The following XRN1 variants were observed in gnomAD, a reference collection of about 807,000 sequenced individuals.
The protein encoded by XRN1 is strand-exchange protein 1 homolog.
Under a neutral mutation model 222.3 loss-of-function variants are expected in XRN1, and 67 were observed. The ratio of observed to expected loss-of-function variants is 0.30; its 90% CI spans 0.25 to 0.37. The LOEUF is 0.37. Ranked by LOEUF, XRN1 falls within the 10% of genes least tolerant of loss-of-function variation. The pLI is 1.00. For missense variants in XRN1, 1,707 were observed against 2,000.2 expected (o/e 0.85, Z 2.80); for synonymous variants, 643 against 652.4 (o/e 0.99, Z 0.22).
intron 10 of XRN1, among the ~76,000 whole-genome samples, chr3:142,419,330 A>G (rs2068910683): frequency 6.6e-6 from 1 of 151,996 alleles, no homozygotes; most frequent in Non-Finnish European, 1.5e-5. Flanking sequence ...GGGGGAAAAA[A>G]AAAGACACAC....
chr3:142,446,630 A>G (rs752913015), intron 1 of XRN1, among the ~76,000 whole-genome samples: 7 of 152,254 alleles, frequency 4.6e-5, no homozygotes, highest in Non-Finnish European at 8.8e-5. Flanking sequence ...CTTTAGAGAT[A>G]AAGTGACTGA....
chr3:142,438,381 A>G (rs2070021973), intron 1 of XRN1, among the ~76,000 whole-genome samples: 1 of 152,100 alleles, frequency 6.6e-6, no homozygotes, highest in African/African-American at 2.4e-5. Flanking sequence ...CTTTGTGGTC[A>G]AGAGAGGCGG....
intron 32 of XRN1, 98 bp downstream of exon 32, chr3:142,355,303 T>A (rs1223167875): frequency 2.8e-5 from 16 of 571,692 alleles, no homozygotes; most frequent in Non-Finnish European, 4.1e-5. Context: ...TTCTATTTTA[T>A]GAGATGTCAC....
At chr3:142,436,880 G>A (rs2069936750) in intron 1 of XRN1, among the ~76,000 whole-genome samples, 1 of 152,078 alleles carries the variant, frequency 6.6e-6, no homozygotes, top group Non-Finnish European at 1.5e-5. Context: ...GGTCAACCAT[G>A]GATGATGAAA....
intron 16 of XRN1, 92 bp downstream of exon 16, chr3:142,404,814 CA>C (rs1370933107): frequency 1.6e-6 from 2 of 1,223,294 alleles, no homozygotes; most frequent in Non-Finnish European, 2.3e-6. Context: ...GCTAATTCTC[CA>C]AACAGATATT....
chr3:142,437,201 G>T (rs1474862865), intron 1 of XRN1, among the ~76,000 whole-genome samples: 1 of 152,126 alleles, frequency 6.6e-6, no homozygotes, highest in African/African-American at 2.4e-5. Flanking sequence ...GAAATTTCAA[G>T]GTTATTTTAT....
intron 1 of XRN1, among the ~76,000 whole-genome samples, chr3:142,437,254 G>A (rs1338970412): frequency 6.6e-6 from 1 of 152,134 alleles, no homozygotes; most frequent in Non-Finnish European, 1.5e-5. Flanking sequence ...AGTCACTGAG[G>A]TATTTTTCTT....
intron 32 of XRN1, among the ~76,000 whole-genome samples, chr3:142,352,599 A>G (rs376097860): frequency 6.6e-6 from 1 of 152,154 alleles, no homozygotes; most frequent in East Asian, 1.9e-4. Flanking sequence ...AGAATAAATG[A>G]GGGTCTGAAG....
chr3:142,409,102 T>C (rs778914031), intron 15 of XRN1, among the ~76,000 whole-genome samples: 1 of 152,228 alleles, frequency 6.6e-6, no homozygotes, highest in African/African-American at 2.4e-5. Context: ...GTCTCATGCA[T>C]GTGTATGTTC....
rs1247086572 is a variant in XRN1, at chr3:142,372,274, T to C, written c.2979-946A>G. Among the ~76,000 whole-genome samples, 3 of 152,042 alleles carry C rather than the reference T, an allele frequency of 2.0e-5. No individual in the cohort carries two copies. The East Asian group carries it at 5.8e-4, about 29-fold the overall frequency. ...AGGACAGGTGTTATACTGAAAACAG[T>C]GAATTAATGAAAGCATAAATACTAT... On this transcript the variant is annotated intron_variant, in intron 25 of 40. Transcript: ENST00000392981.
intron 33 of XRN1, among the ~76,000 whole-genome samples, chr3:142,343,672 G>C (rs1488835961): frequency 6.6e-6 from 1 of 152,156 alleles, no homozygotes; most frequent in East Asian, 1.9e-4. Context: ...AGAACAATTT[G>C]GAGGTTTTGT....
At chr3:142,337,524 A>C (rs2065883568) in intron 33 of XRN1, among the ~76,000 whole-genome samples, 1 of 152,192 alleles carries the variant, frequency 6.6e-6, no homozygotes, top group African/African-American at 2.4e-5. Flanking sequence ...GAACATAAAG[A>C]ATAATTTTCT....
chr3:142,359,148 C>T (rs2066548065), intron 30 of XRN1, among the ~76,000 whole-genome samples: 1 of 152,172 alleles, frequency 6.6e-6, no homozygotes, highest in African/African-American at 2.4e-5. Context: ...TAACTTTAAA[C>T]TTTCTATTGG....
intron 23 of XRN1, among the ~76,000 whole-genome samples, chr3:142,378,772 A>C (rs2067215181): frequency 6.6e-6 from 1 of 152,144 alleles, no homozygotes; most frequent in Non-Finnish European, 1.5e-5. Flanking sequence ...GCAAGCCTGA[A>C]AGAGCTGAAC....
chr3:142,357,811 C>T (rs972074534), intron 30 of XRN1, among the ~76,000 whole-genome samples: 2 of 151,976 alleles, frequency 1.3e-5, no homozygotes, highest in African/African-American at 4.8e-5. Context: ...CGAGGCAGGT[C>T]GATCACTTGA....
At chr3:142,380,703 G>A (rs1041852382) in intron 22 of XRN1, among the ~76,000 whole-genome samples, 13 of 151,986 alleles carry the variant, frequency 8.6e-5, no homozygotes, top group Non-Finnish European at 7.4e-5. Flanking sequence ...ATCTAGGCTG[G>A]AGTGTAGTGG....
rs1440554617 is a variant in XRN1, at chr3:142,357,074, C to G, written c.3510G>C (p.Val1170=). The G allele has an allele frequency of 6.2e-7, 1 of 1,613,722 alleles. No homozygotes were observed. The highest frequency in any genetic ancestry group is 8.5e-7 in the Non-Finnish European group (1 of 1,179,870). ...CAGAGCGACTCCCATGAGAAAGGTT[C>G]ACCAAGGCACTTGTTGGCAGTCGAT... ...RGYRLPTSAL[V]NLSHGSRSET... The change falls in exon 31 of 41, where the codon GTG becomes GTC. Residue 1170 remains valine (V), a synonymous_variant. Coordinates refer to ENST00000392981, the MANE Select transcript of XRN1 (RefSeq NM_001282857.2).
chr3:142,387,275 T>C (rs945377912), intron 20 of XRN1, among the ~76,000 whole-genome samples: 7 of 152,216 alleles, frequency 4.6e-5, no homozygotes, highest in South Asian at 2.1e-4. Flanking sequence ...AAAACACAAA[T>C]GTATGTGGTT....
At chr3:142,334,345 T>C (rs2065786816) in intron 34 of XRN1, among the ~76,000 whole-genome samples, 1 of 151,996 alleles carries the variant, frequency 6.6e-6, no homozygotes, top group Non-Finnish European at 1.5e-5. Flanking sequence ...TAAGACCTTT[T>C]ATAAATTTAA....
Sources: gnomAD v4.1 joint callset for allele counts (sites outside exome capture counted in the v4.1 genomes callset) on GRCh38, gnomAD v4.1.1 for gene constraint, MANE v1.5 for transcripts, NCBI Gene and HGNC (gene_info 2026-07-23, HGNC 2026-07-21) for gene names.